NHSL2: variants seen among roughly 807,000 people sequenced by gnomAD.
NHSL2 encodes the protein NHS-like protein 2.
A neutral mutation model predicts 53.4 loss-of-function variants in NHSL2; 27 were observed. That is an observed-to-expected ratio of 0.51 (90% CI 0.37 to 0.70). The LOEUF (loss-of-function observed/expected upper bound fraction) is 0.70, where lower values mean the gene tolerates loss of function less well. NHSL2 is among the 30% of genes least tolerant of loss of function. The pLI is 0.00. For missense variants in NHSL2, 892 were observed against 980.1 expected (o/e 0.91, Z 1.20); for synonymous variants, 408 against 404.1 (o/e 1.01, Z -0.12).
In NHSL2 at chrX:72,140,193, C is replaced by T; in HGVS notation, c.2645C>T (p.Pro882Leu). ...AEKPPVARRPPSLVHKPPSVP... is the reference protein window; with the variant it reads ...AEKPPVARRPLSLVHKPPSVP... The stretch of plus-strand genomic sequence containing the variant: ...AAGCCTCCGGTGGCCCGGAGGCCTC[C>T]AAGCTTGGTCCACAAGCCACCATCT... Residue 882 changes from proline (P) to leucine (L), a missense_variant, in exon 6 of 8, where the codon CCA becomes CTA. Transcript: ENST00000633930. 1 of 1,210,203 alleles carries T rather than the reference C, an allele frequency of 8.3e-7. No homozygotes were observed. The highest frequency in any genetic ancestry group is 1.1e-6 in the Non-Finnish European group (1 of 894,557).
chrX:72,074,734 A>G (rs1364521502), intron 1 of NHSL2, among the ~76,000 whole-genome samples: 1 of 113,071 alleles, frequency 8.8e-6, no homozygotes, highest in Non-Finnish European at 1.9e-5. Flanking sequence ...CTTGAGCAAC[A>G]TGAACAATGC....
chrX:72,021,661 C>T (rs2042161201), intron 1 of NHSL2, among the ~76,000 whole-genome samples: 1 of 111,812 alleles, frequency 8.9e-6, no homozygotes, highest in South Asian at 3.8e-4. Context: ...CTTCATCTTA[C>T]TCAGGGGGAA....
At chrX:71,939,368 C>T (rs2041755124) in intron 1 of NHSL2, among the ~76,000 whole-genome samples, 1 of 112,096 alleles carries the variant, frequency 8.9e-6, no homozygotes, top group South Asian at 3.7e-4. Flanking sequence ...ACTGTGGAAG[C>T]AGTATAGAAG....
At chrX:71,926,783 A>G (rs1470399503) in intron 1 of NHSL2, among the ~76,000 whole-genome samples, 1 of 111,688 alleles carries the variant, frequency 9.0e-6, no homozygotes, top group Non-Finnish European at 1.9e-5. Flanking sequence ...GAAGCACTTG[A>G]GATAAAGAAT....
rs1413568057 is a variant in NHSL2, at chrX:72,134,495, T to A, written c.565-14T>A. On this transcript the variant is annotated splice_polypyrimidine_tract_variant and intron_variant, in intron 3 of 7. Transcript: ENST00000633930. Reference sequence around the variant, plus strand: ...GCAGGAATACACCCTTTCCATCACCTTCTCTCCCAACAGCCTACAAAACGG... The same window carrying A: ...GCAGGAATACACCCTTTCCATCACCATCTCTCCCAACAGCCTACAAAACGG... The A allele has an allele frequency of 8.6e-7, 1 of 1,157,092 alleles. No individual in the cohort carries two copies. The highest frequency in any genetic ancestry group is 1.9e-5 in the South Asian group (1 of 52,333).
intron 1 of NHSL2, among the ~76,000 whole-genome samples, chrX:72,119,630 T>C (rs1422796753): frequency 1.8e-5 from 2 of 112,700 alleles, no homozygotes; most frequent in African/African-American, 6.4e-5. Context: ...AACACAATTA[T>C]TAGTTTTAAT....
At chrX:71,980,760 G>A (rs1471084086) in intron 1 of NHSL2, among the ~76,000 whole-genome samples, 1 of 111,570 alleles carries the variant, frequency 9.0e-6, no homozygotes, top group Admixed American at 9.6e-5. Context: ...GTTGGGCAAT[G>A]TGGGACAAGT....
intron 1 of NHSL2, among the ~76,000 whole-genome samples, chrX:71,957,634 G>A (rs2041848972): frequency 9.0e-6 from 1 of 110,924 alleles, no homozygotes; most frequent in African/African-American, 3.3e-5. Context: ...CAGACCCCCA[G>A]TCGGCCTACT....
At chrX:72,080,043 G>A (rs2041776730) in intron 1 of NHSL2, 1 of 112,357 alleles carries the variant, frequency 8.9e-6, no homozygotes, top group Non-Finnish European at 1.9e-5. Flanking sequence ...AATGGGCAAA[G>A]GAGTATGTGA....
intron 1 of NHSL2, among the ~76,000 whole-genome samples, chrX:72,116,941 A>T (rs749786424): frequency 1.8e-5 from 2 of 111,900 alleles, no homozygotes; most frequent in South Asian, 7.5e-4. Context: ...TCTATAAAGG[A>T]TAAGTACAAC....
chrX:72,125,581 C>T (rs766062065), intron 1 of NHSL2, among the ~76,000 whole-genome samples: 1 of 112,001 alleles, frequency 8.9e-6, no homozygotes, highest in East Asian at 2.8e-4. Flanking sequence ...TCCCACAGTG[C>T]TTCCTGCTTC....
At chrX:71,958,592 A>G (rs2041853909) in intron 1 of NHSL2, among the ~76,000 whole-genome samples, 1 of 111,641 alleles carries the variant, frequency 9.0e-6, no homozygotes, top group African/African-American at 3.3e-5. Context: ...CCCCAAAACT[A>G]CACAGTGGGG....
At chrX:72,086,116 T>C (rs2041841167) in intron 1 of NHSL2, among the ~76,000 whole-genome samples, 1 of 111,907 alleles carries the variant, frequency 8.9e-6, no homozygotes. Context: ...AACCAACAGT[T>C]GTTTTGTGTT....
chrX:72,142,509 A>G, intron 7 of NHSL2, 145 bp downstream of exon 7: 1 of 466,083 alleles, frequency 2.1e-6, no homozygotes, highest in Non-Finnish European at 3.4e-6. Flanking sequence ...TTAAGCAGCC[A>G]TTAGAATTGC....
chrX:72,050,537 C>T (rs1266562242), intron 1 of NHSL2, among the ~76,000 whole-genome samples: 1 of 111,445 alleles, frequency 9.0e-6, no homozygotes, highest in Non-Finnish European at 1.9e-5. Flanking sequence ...TGCATATGAA[C>T]CACCCAAAAT....
chrX:71,947,361 T>C (rs2041797354), intron 1 of NHSL2, among the ~76,000 whole-genome samples: 1 of 112,171 alleles, frequency 8.9e-6, no homozygotes, highest in African/African-American at 3.2e-5. Context: ...GTACTAACTT[T>C]AGTTCCCGGA....
At chrX:71,939,543 GT>G (rs774296209) in intron 1 of NHSL2, among the ~76,000 whole-genome samples, 6 of 111,672 alleles carry the variant, frequency 5.4e-5, no homozygotes, top group Non-Finnish European at 9.4e-5. Flanking sequence ...TGATGCCTAG[GT>G]TTCTGGCCTA....
chrX:71,934,943 G>A (rs967222527), intron 1 of NHSL2, among the ~76,000 whole-genome samples: 1 of 112,026 alleles, frequency 8.9e-6, no homozygotes, highest in African/African-American at 3.2e-5. Context: ...AGGAGCCTCA[G>A]CTTGGACTTC....
intron 1 of NHSL2, among the ~76,000 whole-genome samples, chrX:72,053,682 G>A (rs746996732): frequency 7.1e-4 from 79 of 110,616 alleles, no homozygotes; most frequent in Non-Finnish European, 1.3e-3. Flanking sequence ...ACATCTCTGC[G>A]TGCTGACCTC....
Sources: allele counts gnomAD v4.1 joint callset (sites outside exome capture counted in the v4.1 genomes callset), GRCh38; gene constraint gnomAD v4.1.1; transcripts MANE v1.5; gene names NCBI Gene and HGNC (gene_info 2026-07-23, HGNC 2026-07-21).